The following PWWP2A variants were observed in gnomAD, a reference collection of about 807,000 sequenced individuals.
PWWP2A encodes PWWP domain containing 2A.
Under a neutral mutation model 48.5 loss-of-function variants are expected in PWWP2A, and 18 were observed. The ratio of observed to expected loss-of-function variants is 0.37; its 90% CI spans 0.26 to 0.55. The LOEUF (loss-of-function observed/expected upper bound fraction) is 0.55, where lower values mean the gene tolerates loss of function less well. Among genes scored for constraint, PWWP2A ranks in the 20% least tolerant of loss-of-function variants. PWWP2A has a pLI of 0.81. For missense variants in PWWP2A, 867 were observed against 976.4 expected (o/e 0.89, Z 1.49); for synonymous variants, 396 against 387.7 (o/e 1.02, Z -0.25).
downstream of PWWP2A, among the ~76,000 whole-genome samples, chr5:160,057,027 A>G (rs1757564242): frequency 6.6e-6 from 1 of 151,840 alleles, no homozygotes; most frequent in Admixed American, 6.6e-5. This position sits in a 1 kb window ranked among gnomAD's most constrained non-coding sequence, Gnocchi z 4.4. Flanking sequence ...GATATCTGTC[A>G]TTACAGACTG....
chr5:160,058,616 G>T (rs4388243), downstream of PWWP2A, among the ~76,000 whole-genome samples: 6 of 151,638 alleles, frequency 4.0e-5, no homozygotes, highest in East Asian at 1.9e-4. Context: ...TTTCACCGTG[G>T]TAGCCAGGAT....
rs1164162149 is a variant in PWWP2A, at chr5:160,116,626, T to G, written c.584+2179A>C. ...ATAGCAATTCTCCACTAAAGAAAAT[T>G]TTTTAAAAATAAAGCACTAACACAA... is the stretch of plus-strand genomic sequence containing the variant. On this transcript the variant is annotated intron_variant, in intron 1 of 1. Transcript: ENST00000307063. The G allele has an allele frequency of 4.1e-6, 4 of 982,628 alleles. No individual in the cohort carries two copies. In the African/African-American group the frequency reaches 5.2e-5, roughly 13 times the overall value. The allele number at this position is 982,628 out of a possible 1,614,324, so 60.9% of individuals were successfully genotyped here.
In PWWP2A at chr5:160,064,963, C is replaced by T. The variant is rs1007162258; in HGVS notation, c.*237-1290G>A. ...TAAAAGATCTTGGGAACTTGGTTCTCCGACCTTTTGGGCTCTCCACGGAAA... is the reference window on the plus strand; with the variant it reads ...TAAAAGATCTTGGGAACTTGGTTCTTCGACCTTTTGGGCTCTCCACGGAAA... On this transcript the variant is annotated intron_variant and NMD_transcript_variant, in intron 4 of 5. Transcript: ENST00000524050. The T allele has an allele frequency of 5.0e-6, 8 of 1,613,694 alleles. No homozygotes were observed. The African/African-American group carries it at 8.0e-5, about 16-fold the overall frequency.
At position 160,092,373 on chromosome 5, in the gene PWWP2A, T is replaced by C. The variant is rs1040275377; in HGVS notation, c.*9A>G. The C allele has an allele frequency of 1.3e-6, 2 of 1,526,924 alleles. No individual in the cohort carries two copies. The highest frequency in any genetic ancestry group is 1.4e-5 in the African/African-American group (1 of 71,472). The allele number at this position is 1,526,924 out of a possible 1,614,324, so 94.6% of individuals were successfully genotyped here. ...CTTCCAATGGTCTTGCCTACCTTAC[T>C]GCCCATGTTCACGTTTCAAACTGTG... On this transcript the variant is annotated 3_prime_UTR_variant, in exon 2 of 2. Transcript: ENST00000307063.
At chr5:160,082,430 C>T (rs1426244872) in intron 2 of PWWP2A, among the ~76,000 whole-genome samples, 3 of 139,046 alleles carry the variant, frequency 2.2e-5, no homozygotes, top group African/African-American at 8.1e-5. Flanking sequence ...GGCGACAGAG[C>T]GAGACTCCGT....
At chr5:160,089,612 T>C, downstream of PWWP2A, 6 of 1,288,810 alleles carry the variant, frequency 4.7e-6, no homozygotes, top group Non-Finnish European at 6.1e-6. Context: ...CTATAAATTC[T>C]AGAAAGTAAA....
downstream of PWWP2A, among the ~76,000 whole-genome samples, chr5:160,088,216 G>A (rs1049572581): frequency 8.6e-5 from 13 of 151,984 alleles, no homozygotes; most frequent in African/African-American, 1.7e-4. Context: ...CCTTATGTCC[G>A]GCATGTTTTT....
intron 1 of PWWP2A, among the ~76,000 whole-genome samples, chr5:160,114,637 C>A (rs1274496472): frequency 6.6e-6 from 1 of 151,818 alleles, no homozygotes; most frequent in African/African-American, 2.4e-5. Flanking sequence ...GTGGAGCATG[C>A]CTGTAATCCC....
At chr5:160,080,638 A>T (rs747063895) in intron 3 of PWWP2A, 16 of 1,529,212 alleles carry the variant, frequency 1.0e-5, no homozygotes, top group Middle Eastern at 3.4e-4. Context: ...GGCAGGGCTT[A>T]AAACAGACAG....
chr5:160,045,976 C>T, the PWWP2A span, among the ~76,000 whole-genome samples: 2 of 152,108 alleles, frequency 1.3e-5, no homozygotes, highest in Non-Finnish European at 1.5e-5. Flanking sequence ...CTCCTGACCT[C>T]GTGATCTGCC....
chr5:160,110,797 C>G (rs1347607027), intron 1 of PWWP2A, among the ~76,000 whole-genome samples: 1 of 151,576 alleles, frequency 6.6e-6, no homozygotes, highest in African/African-American at 2.4e-5. Context: ...TTTGGGAGGT[C>G]AAGGCAAGCA....
At position 160,118,921 on chromosome 5, in the gene PWWP2A, C is replaced by T. The variant is rs767004750; in HGVS notation, c.468G>A (p.Leu156=). The T allele has an allele frequency of 6.2e-7, 1 of 1,602,046 alleles. No individual in the cohort carries two copies. The highest frequency in any genetic ancestry group is 1.1e-5 in the South Asian group (1 of 89,776). Residue 156 remains leucine (L), a synonymous_variant, in exon 1 of 2, where the codon CTG becomes CTA. Coordinates refer to ENST00000307063, the MANE Select transcript of PWWP2A (RefSeq NM_001130864.2). ...TGACCCGCACCTCCGAGCCCGGGAT[C>T]AGTTGCGACACCGTGGAGTCCCCGC... ...PAGGDSTVSQ[L]IPGSEVRVTL...
At chr5:160,110,138 A>G (rs1757409815) in intron 1 of PWWP2A, among the ~76,000 whole-genome samples, 1 of 151,026 alleles carries the variant, frequency 6.6e-6, no homozygotes, top group Non-Finnish European at 1.5e-5. Context: ...TTCTTGCCTC[A>G]GCCTCCCGAG....
chr5:160,086,339 T>C (rs1387605422), downstream of PWWP2A, among the ~76,000 whole-genome samples: 1 of 151,664 alleles, frequency 6.6e-6, no homozygotes, highest in African/African-American at 2.4e-5. Flanking sequence ...GGCAACATAG[T>C]GTGACCCTGT....
Position 160,092,265 on chromosome 5 carries a change from C to A in PWWP2A, c.*117G>T, listed in dbSNP as rs1468243486. 1 of 1,426,056 alleles carries A rather than the reference C, an allele frequency of 7.0e-7. No homozygotes were observed. The highest frequency in any genetic ancestry group is 9.2e-7 in the Non-Finnish European group (1 of 1,089,924). The allele number at this position is 1,426,056 out of a possible 1,614,324, so 88.3% of individuals were successfully genotyped here. On this transcript the variant is annotated 3_prime_UTR_variant, in exon 2 of 2. Coordinates refer to ENST00000307063, the MANE Select transcript of PWWP2A (RefSeq NM_001130864.2). ...ATAAGGTAAGTATTAAAAAGCCAGC[C>A]AACTGAGTGCAACTTCTCTCTCCAA...
chr5:160,092,976 C>T lies in PWWP2A; in HGVS notation c.1674G>A (p.Lys558=). ...AAACAGAGATATTGTTTTTGCTGCC[C>T]TTTTTGCCCAATGTCTGTGGTTCAT... ...DQDEPQTLGK[K]GSKNNISVYM... is the part of the protein sequence containing the mutation. Residue 558 remains lysine, a synonymous_variant, in exon 2 of 2, where the codon AAG becomes AAA. Transcript: ENST00000307063. 7 of 1,558,590 alleles carry T rather than the reference C, an allele frequency of 4.5e-6. No homozygotes were observed. The highest frequency in any genetic ancestry group is 6.1e-6 in the Non-Finnish European group (7 of 1,150,574).
intron 1 of PWWP2A, among the ~76,000 whole-genome samples, chr5:160,107,477 T>C (rs529074201): frequency 2.6e-5 from 4 of 152,212 alleles, no homozygotes; most frequent in Non-Finnish European, 5.9e-5. Flanking sequence ...GGTAAATAAA[T>C]ACCAGGAAAT....
the PWWP2A span, among the ~76,000 whole-genome samples, chr5:160,056,684 C>T: frequency 6.6e-6 from 1 of 152,174 alleles, no homozygotes; most frequent in Admixed American, 6.5e-5. Flanking sequence ...GATGGCACCA[C>T]TTCATGCCAG....
At chr5:160,053,290 T>A in the PWWP2A span, among the ~76,000 whole-genome samples, 1 of 152,180 alleles carries the variant, frequency 6.6e-6, no homozygotes, top group East Asian at 1.9e-4. Flanking sequence ...CAGTTAAAAA[T>A]TTTTTAAATT....
Sources: gnomAD v4.1 joint callset for allele counts (sites outside exome capture counted in the v4.1 genomes callset) on GRCh38, gnomAD v4.1.1 for gene constraint, Gnocchi (gnomAD v3.1) non-coding constraint, MANE v1.5 for transcripts, NCBI Gene and HGNC (gene_info 2026-07-23, HGNC 2026-07-21) for gene names.